SMAD9: variants seen among roughly 807,000 people sequenced by gnomAD.
The protein encoded by SMAD9 is SMAD family member 9.
A neutral mutation model predicts 46.1 loss-of-function variants in SMAD9; 36 were observed. The observed-to-expected ratio is 0.78, with a 90% CI of 0.60 to 1.03. SMAD9 has a LOEUF of 1.03. SMAD9 is among the 50% of genes least tolerant of loss of function. SMAD9 has a pLI of 0.00. For missense variants in SMAD9, 572 were observed against 599.8 expected, an observed-to-expected ratio of 0.95 and a Z score of 0.48; for synonymous variants, 245 against 237.1, an observed-to-expected ratio of 1.03 and a Z score of -0.31.
chr13:36,914,650 G>A (rs1256594216), intron 1 of SMAD9, among the ~76,000 whole-genome samples: 1 of 152,236 alleles, frequency 6.6e-6, no homozygotes, highest in Admixed American at 6.5e-5. Flanking sequence ...ATGAACTTAT[G>A]ATGAAGTGTA....
intron 5 of SMAD9, among the ~76,000 whole-genome samples, chr13:36,858,091 G>A (rs762455872): frequency 9.9e-5 from 15 of 152,044 alleles, no homozygotes; most frequent in Admixed American, 3.3e-4. Flanking sequence ...GAAAAAGAAC[G>A]GCACAGAATG....
intron 1 of SMAD9, among the ~76,000 whole-genome samples, chr13:36,902,462 T>C (rs1413156113): frequency 6.6e-6 from 1 of 151,960 alleles, no homozygotes; most frequent in East Asian, 1.9e-4. Flanking sequence ...TGTTCTTCTT[T>C]TTTTTTTTTG....
intron 1 of SMAD9, among the ~76,000 whole-genome samples, chr13:36,880,276 C>G (rs1453226777): frequency 6.6e-6 from 1 of 152,110 alleles, no homozygotes; most frequent in Non-Finnish European, 1.5e-5. Context: ...TCTTTCAATT[C>G]GAATTCACTT....
At chr13:36,849,824 T>C (rs1053584791) in intron 6 of SMAD9, 2 of 152,222 alleles carry the variant, frequency 1.3e-5, no homozygotes. Flanking sequence ...TAATGCACTC[T>C]CAGACCTGCC....
At chr13:36,848,975 G>A (rs568552289) in intron 6 of SMAD9, among the ~76,000 whole-genome samples, 156 bp from the exon 7 acceptor site, 1 of 152,176 alleles carries the variant, frequency 6.6e-6, no homozygotes, top group Non-Finnish European at 1.5e-5. Flanking sequence ...TGTAAACACA[G>A]GTCAACTCTC....
At chr13:36,859,979 GA>G (rs2058164882) in intron 5 of SMAD9, among the ~76,000 whole-genome samples, 1 of 151,362 alleles carries the variant, frequency 6.6e-6, no homozygotes, top group East Asian at 1.9e-4. Flanking sequence ...AAAGAAAAAA[GA>G]AAAAAAAGAA....
At chr13:36,899,126 C>A (rs2058553354) in intron 1 of SMAD9, among the ~76,000 whole-genome samples, 1 of 151,958 alleles carries the variant, frequency 6.6e-6, no homozygotes, top group African/African-American at 2.4e-5. Flanking sequence ...TCCTATTTAC[C>A]AGCAGAAAAC....
intron 3 of SMAD9, among the ~76,000 whole-genome samples, chr13:36,868,500 A>T (rs4943434): frequency 6.6e-6 from 1 of 152,004 alleles, no homozygotes; most frequent in African/African-American, 2.4e-5. Context: ...AGCATTTTGG[A>T]AGGCTGAAGT....
intron 1 of SMAD9, among the ~76,000 whole-genome samples, chr13:36,889,321 C>A (rs557969797): frequency 1.8e-4 from 28 of 152,226 alleles, no homozygotes; most frequent in African/African-American, 6.0e-4. Flanking sequence ...AAATGTGGCT[C>A]CATGTTTCTT....
chr13:36,891,389 A>T (rs1419416383), intron 1 of SMAD9, among the ~76,000 whole-genome samples: 1 of 152,250 alleles, frequency 6.6e-6, no homozygotes, highest in Non-Finnish European at 1.5e-5. Context: ...ACTCTAAGTC[A>T]TGATGCCATT....
At chr13:36,889,423 C>G (rs2058472531) in intron 1 of SMAD9, among the ~76,000 whole-genome samples, 2 of 152,204 alleles carry the variant, frequency 1.3e-5, no homozygotes, top group Non-Finnish European at 2.9e-5. Flanking sequence ...CGAGCTCCTA[C>G]TTGTCCTAAA....
chr13:36,868,095 A>G (rs2058253202), intron 3 of SMAD9, among the ~76,000 whole-genome samples: 1 of 152,220 alleles, frequency 6.6e-6, no homozygotes. Flanking sequence ...GTGGAATACA[A>G]CAGCGTAAAA....
intron 5 of SMAD9, among the ~76,000 whole-genome samples, chr13:36,858,233 T>C (rs1341122079): frequency 6.6e-6 from 1 of 151,392 alleles, no homozygotes; most frequent in Admixed American, 6.6e-5. Context: ...AATATAAAAA[T>C]ACATTTTTCC....
chr13:36,880,470 A>C (rs1305973056), intron 1 of SMAD9, among the ~76,000 whole-genome samples: 1 of 152,216 alleles, frequency 6.6e-6, no homozygotes, highest in Non-Finnish European at 1.5e-5. Flanking sequence ...TAGAAAATAA[A>C]TACTAATGAA....
At chr13:36,901,770 T>C (rs1020961956) in intron 1 of SMAD9, among the ~76,000 whole-genome samples, 3 of 152,218 alleles carry the variant, frequency 2.0e-5, no homozygotes, top group Admixed American at 6.5e-5. Context: ...CTCATGATAC[T>C]GAGCAAATTT....
At chr13:36,900,689 AC>A (rs1466163729) in intron 1 of SMAD9, among the ~76,000 whole-genome samples, 1 of 39,848 alleles carries the variant, frequency 2.5e-5, no homozygotes, top group Non-Finnish European at 4.8e-5. Context: ...ATGACTACAC[AC>A]ACACACACAC....
At chr13:36,916,187 T>C (rs952579973) in intron 1 of SMAD9, among the ~76,000 whole-genome samples, 2 of 152,228 alleles carry the variant, frequency 1.3e-5, no homozygotes, top group African/African-American at 4.8e-5. Context: ...TATCAATTTT[T>C]ATGCGGCTAT....
intron 1 of SMAD9, among the ~76,000 whole-genome samples, chr13:36,897,404 TA>T (rs1220287893): frequency 6.6e-6 from 1 of 152,234 alleles, no homozygotes; most frequent in Non-Finnish European, 1.5e-5. Context: ...TACCAGGACA[TA>T]AATCTACTTC....
intron 1 of SMAD9, among the ~76,000 whole-genome samples, chr13:36,901,907 C>A (rs183792388): frequency 1.3e-5 from 2 of 152,252 alleles, no homozygotes; most frequent in East Asian, 1.9e-4. Flanking sequence ...GATATATAGA[C>A]CCTGAGATAC....
Sources: gnomAD v4.1 joint callset for allele counts (sites outside exome capture counted in the v4.1 genomes callset) on GRCh38, gnomAD v4.1.1 for gene constraint, MANE v1.5 for transcripts, NCBI Gene and HGNC (gene_info 2026-07-23, HGNC 2026-07-21) for gene names.